CSMD3: variants seen among roughly 807,000 people sequenced by gnomAD.
The protein encoded by CSMD3 is CUB and Sushi multiple domains 3, also known as CUB and sushi domain-containing protein 3.
In CSMD3, 177 loss-of-function variants were observed where a neutral mutation model predicts 435.2. That is an observed-to-expected ratio of 0.41 (90% CI 0.36 to 0.46). CSMD3 has a LOEUF of 0.46. Among genes scored for constraint, CSMD3 ranks in the 20% least tolerant of loss-of-function variants. The pLI is 0.34. For synonymous variants in CSMD3, 1,656 were observed against 1,520.5 expected (o/e 1.09, Z -2.07); for missense variants, 4,265 against 4,504.6 (o/e 0.95, Z 1.52).
Position 112,382,109 on chromosome 8 carries a change from G to C in CSMD3, c.6031+1458C>G, listed in dbSNP as rs138983640. On this transcript the variant is annotated intron_variant, in intron 37 of 70. Transcript: ENST00000297405. ...GCCTAGGCAACATAGCGAGACCTCAGCTCTAAAAAATAAAATAAAATAAAA... is the reference window on the plus strand; with the variant it reads ...GCCTAGGCAACATAGCGAGACCTCACCTCTAAAAAATAAAATAAAATAAAA... Among the ~76,000 whole-genome samples the C allele has an allele frequency of 7.0e-3, 1,065 of 151,850 alleles. 14 individuals are homozygous for C. Among genetic ancestry groups the C allele is most frequent in the African/African-American group, 0.024 (990 of 41,432 alleles).
chr8:113,208,156 A>G (rs1181503454), intron 3 of CSMD3, among the ~76,000 whole-genome samples: 2 of 152,200 alleles, frequency 1.3e-5, no homozygotes, highest in Non-Finnish European at 2.9e-5. Context: ...ATGAAACCTT[A>G]CAGGAAAATT....
At chr8:112,407,305 T>C (rs1013756253) in intron 34 of CSMD3, among the ~76,000 whole-genome samples, 3 of 152,064 alleles carry the variant, frequency 2.0e-5, no homozygotes, top group Non-Finnish European at 2.9e-5. Flanking sequence ...AGTTTTTACT[T>C]TAATAATCAT....
intron 3 of CSMD3, among the ~76,000 whole-genome samples, chr8:113,222,809 T>C (rs532245570): frequency 2.0e-5 from 3 of 151,096 alleles, no homozygotes; most frequent in African/African-American, 4.8e-5. Context: ...CATGGCTTTA[T>C]AGACAATTTG....
Position 112,989,652 on chromosome 8 carries a change from C to G in CSMD3, c.1031-13504G>C, listed in dbSNP as rs2134841. ...GACTAAGAGGTAGAGTAGGTGTGAC[C>G]CTACTAAGAGATGGAGTCTATTTCC... On this transcript the variant is annotated intron_variant, in intron 6 of 70. Transcript: ENST00000297405. 1.6e-3 allele frequency among the ~76,000 whole-genome samples: 243 copies of G among 151,920 alleles called. 7 individuals are homozygous for G. The highest frequency in any genetic ancestry group is 0.014 in the Admixed American group (216 of 15,218).
chr8:113,243,876 A>T (rs1451916301), intron 3 of CSMD3, among the ~76,000 whole-genome samples: 2 of 152,248 alleles, frequency 1.3e-5, no homozygotes, highest in African/African-American at 4.8e-5. Context: ...GAACATGTTT[A>T]TGTGCTTATT....
chr8:112,274,475 T>G, intron 59 of CSMD3, among the ~76,000 whole-genome samples: 1 of 150,598 alleles, frequency 6.6e-6, no homozygotes, highest in African/African-American at 2.4e-5. Context: ...GGTACCAGAG[T>G]CGACATTGAC....
chr8:112,436,643 T>A (rs66777799), intron 32 of CSMD3, among the ~76,000 whole-genome samples: 2 of 151,238 alleles, frequency 1.3e-5, no homozygotes, highest in Non-Finnish European at 3.0e-5. Context: ...TATAAAAAAA[T>A]ATACACAAAT....
intron 1 of CSMD3, among the ~76,000 whole-genome samples, chr8:113,331,873 C>T (rs771147322): frequency 2.2e-4 from 34 of 151,520 alleles, no homozygotes; most frequent in African/African-American, 3.6e-4. Context: ...AGGAACAGAA[C>T]GAGGATATTC....
At chr8:113,100,186 A>C (rs2090287753) in intron 4 of CSMD3, among the ~76,000 whole-genome samples, 1 of 152,124 alleles carries the variant, frequency 6.6e-6, no homozygotes, top group Non-Finnish European at 1.5e-5. Flanking sequence ...AAATGTAAGT[A>C]TGTTCGTCTT....
chr8:112,903,717 C>T (rs948560988), intron 10 of CSMD3, among the ~76,000 whole-genome samples: 16 of 151,276 alleles, frequency 1.1e-4, no homozygotes, highest in African/African-American at 3.9e-4. Context: ...GATTTGAACA[C>T]AATCGTCCTT....
At chr8:112,509,310 A>C (rs747383246) in intron 28 of CSMD3, among the ~76,000 whole-genome samples, 1 of 152,000 alleles carries the variant, frequency 6.6e-6, no homozygotes, top group Non-Finnish European at 1.5e-5. Flanking sequence ...GCTGGTCTTG[A>C]ACTCCTGAGC....
chr8:112,472,755 A>C, intron 31 of CSMD3, 48 bp from the exon 32 acceptor site: 1 of 959,614 alleles, frequency 1.0e-6, no homozygotes. Context: ...AGTTTTAAAA[A>C]ATTCATACCA....
intron 10 of CSMD3, among the ~76,000 whole-genome samples, chr8:112,880,136 A>G (rs1327738354): frequency 6.6e-6 from 1 of 152,144 alleles, no homozygotes; most frequent in African/African-American, 2.4e-5. Context: ...TGCTTAAATT[A>G]AATGCAATAA....
intron 53 of CSMD3, among the ~76,000 whole-genome samples, chr8:112,299,671 A>G (rs1436472416): frequency 6.6e-6 from 1 of 152,100 alleles, no homozygotes; most frequent in African/African-American, 2.4e-5. Flanking sequence ...TTATAAGCAC[A>G]TTCTCATGGC....
chr8:112,765,320 G>A (rs1043727151), intron 13 of CSMD3, among the ~76,000 whole-genome samples: 1 of 151,554 alleles, frequency 6.6e-6, no homozygotes, highest in African/African-American at 2.4e-5. Flanking sequence ...ATTTGGATTT[G>A]AGAAATACGG....
At chr8:112,302,100 G>A in intron 52 of CSMD3, 134 bp from the exon 53 acceptor site, 1 of 675,738 alleles carries the variant, frequency 1.5e-6, no homozygotes, top group East Asian at 2.7e-5. Context: ...TGTAAAACAT[G>A]TTTGAATGAG....
rs34587945 is a variant in CSMD3 at position 112,419,702 on chromosome 8, A to T, written c.5396-10670T>A. On this transcript the variant is annotated intron_variant, in intron 32 of 70. Coordinates refer to ENST00000297405, the MANE Select transcript of CSMD3 (RefSeq NM_198123.2). ...TCAAAATTTCAAAACTGCCTATTTG[A>T]CATATTTTAAATGTATAGACATTAA... 1.5e-3 allele frequency among the ~76,000 whole-genome samples: 222 copies of T among 152,116 alleles called. 1 individual carries two copies. Among genetic ancestry groups the T allele is most frequent in the African/African-American group, 4.8e-3 (200 of 41,504 alleles).
intron 22 of CSMD3, among the ~76,000 whole-genome samples, chr8:112,609,349 C>A (rs1374947816): frequency 6.6e-6 from 1 of 151,156 alleles, no homozygotes; most frequent in Non-Finnish European, 1.5e-5. Flanking sequence ...AGGTAATGGG[C>A]TAGACGTTTC....
intron 13 of CSMD3, among the ~76,000 whole-genome samples, chr8:112,744,053 G>T (rs1264752531): frequency 1.3e-5 from 2 of 151,880 alleles, no homozygotes; most frequent in East Asian, 3.9e-4. Flanking sequence ...TTATGAAAAG[G>T]TTGTCATATA....
Sources: allele counts gnomAD v4.1 joint callset (sites outside exome capture counted in the v4.1 genomes callset), GRCh38; gene constraint gnomAD v4.1.1; transcripts MANE v1.5; gene names NCBI Gene and HGNC (gene_info 2026-07-23, HGNC 2026-07-21).